Variants in ARHGEF37 observed in about 807,000 individuals in gnomAD.
The protein encoded by ARHGEF37 is Rho guanine nucleotide exchange factor 37.
In ARHGEF37, 55 loss-of-function variants were observed where a neutral mutation model predicts 71.1. The observed-to-expected ratio is 0.77, with a 90% CI of 0.62 to 0.97. The LOEUF (loss-of-function observed/expected upper bound fraction) is 0.97, where lower values mean the gene tolerates loss of function less well. Ranked by LOEUF, ARHGEF37 falls within the 50% of genes least tolerant of loss-of-function variation. The pLI, the probability that ARHGEF37 is intolerant of heterozygous loss-of-function variation, is 0.00. For missense variants in ARHGEF37, 765 were observed against 836.8 expected, an observed-to-expected ratio of 0.91 and a Z score of 1.06; for synonymous variants, 327 against 350.6, an observed-to-expected ratio of 0.93 and a Z score of 0.75.
intron 1 of ARHGEF37, among the ~76,000 whole-genome samples, chr5:149,576,219 T>C (rs1466575854): frequency 1.3e-5 from 2 of 152,228 alleles, no homozygotes; most frequent in South Asian, 4.1e-4. Flanking sequence ...CACTCCACCC[T>C]GAGTGACAAA....
At chr5:149,576,373 A>T (rs1205701751) in intron 1 of ARHGEF37, among the ~76,000 whole-genome samples, 1 of 152,214 alleles carries the variant, frequency 6.6e-6, no homozygotes, top group Non-Finnish European at 1.5e-5. Flanking sequence ...CCTGGTAGTG[A>T]GGCCTGTGTG....
upstream of ARHGEF37, among the ~76,000 whole-genome samples, chr5:149,578,129 A>G (rs1763045973): frequency 6.6e-6 from 1 of 152,158 alleles, no homozygotes; most frequent in African/African-American, 2.4e-5. Context: ...GCCTGTCTAT[A>G]TTACTAATCC....
chr5:149,620,450 G>T lies in ARHGEF37; in HGVS notation c.991G>T (p.Ala331Ser), dbSNP rs1425041034. 13 of 1,609,142 alleles carry T rather than the reference G, an allele frequency of 8.1e-6. No individual in the cohort carries two copies. Among genetic ancestry groups the T allele is most frequent in the Non-Finnish European group, 1.1e-5 (13 of 1,177,656 alleles). The change falls in exon 8 of 13, where the codon GCC (alanine) becomes TCC (serine). Residue 331 changes from alanine (A) to serine (S), a missense_variant. Ala to Ser is a moderately conservative substitution (Grantham distance 99). This residue lies in a region of ARHGEF37 where 167 missense variants were observed against 173.3 expected (regional missense o/e 0.96). Transcript: ENST00000333677. The stretch of plus-strand genomic sequence containing the variant: ...TTTGGCAAGAGACCTTCACCTTGAG[G>T]CCTTCCTGAAATTTGTGAGTGGAAC... ...CNLARDLHLE[A>S]FLKFKQRLEG...
At chr5:149,627,342 CG>C (rs1752723999) in intron 11 of ARHGEF37, 71 bp downstream of exon 11, 1 of 1,524,300 alleles carries the variant, frequency 6.6e-7, no homozygotes, top group Non-Finnish European at 8.9e-7. Context: ...TGCAGAGACC[CG>C]GGCACTCTTG....
intron 1 of ARHGEF37, among the ~76,000 whole-genome samples, chr5:149,557,637 C>A (rs1379303556): frequency 6.6e-6 from 1 of 152,126 alleles, no homozygotes; most frequent in Non-Finnish European, 1.5e-5. Context: ...TGCCACTGCA[C>A]CTGGCCTAAC....
intron 1 of ARHGEF37, among the ~76,000 whole-genome samples, chr5:149,557,862 A>G (rs1762775039): frequency 6.7e-6 from 1 of 149,972 alleles, no homozygotes; most frequent in African/African-American, 2.5e-5. Flanking sequence ...TGTTTACCCA[A>G]TAATTTTTTT....
chr5:149,566,165 A>G (rs1762896474), intron 1 of ARHGEF37, among the ~76,000 whole-genome samples: 1 of 151,210 alleles, frequency 6.6e-6, no homozygotes, highest in African/African-American at 2.4e-5. Flanking sequence ...TATTTTATCT[A>G]TGGCTTTGGA....
At chr5:149,592,739 C>T (rs58450062) in intron 1 of ARHGEF37, among the ~76,000 whole-genome samples, 7,454 of 152,032 alleles carry the variant, frequency 0.049, 652 homozygotes, top group African/African-American at 0.17. Flanking sequence ...TACCATTTTA[C>T]GTTTTCTTGT....
upstream of ARHGEF37, among the ~76,000 whole-genome samples, chr5:149,581,086 C>T (rs149693228): frequency 2.2e-3 from 329 of 152,324 alleles, 2 homozygotes; most frequent in African/African-American, 7.4e-3. Flanking sequence ...GGGGCAAGAA[C>T]CAAGGGCTCC....
chr5:149,614,455 T>C (rs1217048692), intron 4 of ARHGEF37, among the ~76,000 whole-genome samples: 2 of 152,188 alleles, frequency 1.3e-5, no homozygotes, highest in Admixed American at 6.5e-5. Context: ...CAAATTACCT[T>C]AGAAAGTCTG....
Position 149,609,538 on chromosome 5 carries a change from T to C in ARHGEF37, c.311-10T>C, listed in dbSNP as rs771501447. 1.2e-6 allele frequency: 2 copies of C among 1,613,754 alleles called. No individual in the cohort carries two copies. The highest frequency in any genetic ancestry group is 1.7e-6 in the Non-Finnish European group (2 of 1,179,722). On this transcript the variant is annotated splice_polypyrimidine_tract_variant and intron_variant, in intron 3 of 12. Coordinates refer to ENST00000333677, the MANE Select transcript of ARHGEF37 (RefSeq NM_001001669.3). ...CCCTTGACGACCCCTTGTTGCGTCT[T>C]CACTCTCAGGTAACATATTTCTGGA...
chr5:149,552,241 AAAAG>A (rs1762687458), intron 1 of ARHGEF37: 1 of 146,184 alleles, frequency 6.8e-6, no homozygotes, highest in Non-Finnish European at 1.5e-5. Flanking sequence ...AAAAAAAAAA[AAAAG>A]AATCGTATGT....
chr5:149,587,244 GTTC>G (rs1298904530), intron 1 of ARHGEF37, among the ~76,000 whole-genome samples: 1 of 152,010 alleles, frequency 6.6e-6, no homozygotes, highest in African/African-American at 2.4e-5. Context: ...CTGATATATA[GTTC>G]TTCTTATTAC....
intron 1 of ARHGEF37, among the ~76,000 whole-genome samples, chr5:149,573,800 T>C (rs1362664579): frequency 1.3e-5 from 2 of 152,184 alleles, no homozygotes; most frequent in African/African-American, 4.8e-5. Context: ...TAACCTGCTT[T>C]TTAAAATTTA....
In ARHGEF37 at chr5:149,628,908, G is replaced by A. The variant is rs759749530; in HGVS notation, c.1760G>A (p.Arg587Gln). ...RRQAGLNKDP[R>Q]CLTPEPSPAL... ...CAGGCGGGGCTGAACAAAGACCCCC[G>A]ATGTCTAACACCGGAGCCCAGCCCA... The change falls in exon 12 of 13, where the codon CGA becomes CAA. Residue 587 changes from arginine to glutamine, a missense_variant. Around this residue, in one of 5 missense-constraint regions of ARHGEF37, gnomAD observed 390 missense variants for 407.4 expected, o/e 0.96. Coordinates refer to ENST00000333677, the MANE Select transcript of ARHGEF37 (RefSeq NM_001001669.3). 86 of 1,613,272 alleles carry A rather than the reference G, an allele frequency of 5.3e-5. No homozygotes were observed. Among genetic ancestry groups the A allele is most frequent in the South Asian group, 3.2e-4 (29 of 91,032 alleles).
chr5:149,555,053 C>T (rs1490409752), intron 1 of ARHGEF37, among the ~76,000 whole-genome samples: 1 of 151,458 alleles, frequency 6.6e-6, no homozygotes, highest in Non-Finnish European at 1.5e-5. Context: ...ATCGCTGGAA[C>T]CCGAGAGGCG....
At chr5:149,598,307 C>A (rs907586969) in intron 2 of ARHGEF37, among the ~76,000 whole-genome samples, 1 of 149,978 alleles carries the variant, frequency 6.7e-6, no homozygotes, top group African/African-American at 2.5e-5. Flanking sequence ...TCTTCTTCTT[C>A]TTCTTCTTCT....
At chr5:149,563,894 G>A (rs1040740379) in intron 1 of ARHGEF37, among the ~76,000 whole-genome samples, 4 of 146,084 alleles carry the variant, frequency 2.7e-5, no homozygotes, top group East Asian at 4.1e-4. Flanking sequence ...TTGAGTTTGA[G>A]TTTTCATCTA....
chr5:149,618,036 C>T (rs1752425581), intron 5 of ARHGEF37, 140 bp from the exon 6 acceptor site: 1 of 1,229,090 alleles, frequency 8.1e-7, no homozygotes, highest in Non-Finnish European at 1.2e-6. Flanking sequence ...CTATGCTTTT[C>T]CTGTGTGACT....
Sources: gnomAD v4.1 joint callset for allele counts (sites outside exome capture counted in the v4.1 genomes callset) on GRCh38, gnomAD v4.1.1 for gene constraint, gnomAD v4.1.1 regional missense constraint, MANE v1.5 for transcripts, NCBI Gene and HGNC (gene_info 2026-07-23, HGNC 2026-07-21) for gene names.